The following CHST11 variants were observed in gnomAD, a reference collection of about 807,000 sequenced individuals.
CHST11 encodes the protein C4S-1.
In CHST11, 9 loss-of-function variants were observed where a neutral mutation model predicts 30.4. The observed-to-expected ratio is 0.30, with a 90% CI of 0.18 to 0.52. CHST11 has a LOEUF of 0.52. CHST11 is among the 20% of genes least tolerant of loss of function. CHST11 has a pLI of 0.97. For synonymous variants in CHST11, 152 were observed against 187.8 expected (o/e 0.81, Z 1.56); for missense variants, 348 against 460.6 (o/e 0.76, Z 2.24).
intron 1 of CHST11, among the ~76,000 whole-genome samples, chr12:104,574,433 G>T (rs528371373): frequency 1.3e-5 from 2 of 152,134 alleles, no homozygotes; most frequent in African/African-American, 4.8e-5. Flanking sequence ...GGCACTATTC[G>T]CAATAGGAAA....
chr12:104,527,561 A>G (rs377677941), intron 1 of CHST11, among the ~76,000 whole-genome samples: 14 of 152,218 alleles, frequency 9.2e-5, no homozygotes, highest in East Asian at 1.9e-4. Flanking sequence ...TGGATCTTCT[A>G]TACTCTTCTG....
intron 1 of CHST11, among the ~76,000 whole-genome samples, chr12:104,546,071 A>G (rs1355511409): frequency 6.6e-6 from 1 of 152,156 alleles, no homozygotes; most frequent in Non-Finnish European, 1.5e-5. Flanking sequence ...GGGGATTTCG[A>G]CACACGCATT....
intron 2 of CHST11, among the ~76,000 whole-genome samples, chr12:104,748,667 A>G (rs1414737025): frequency 6.6e-6 from 1 of 152,108 alleles, no homozygotes; most frequent in African/African-American, 2.4e-5. Context: ...GCCTCAGGGA[A>G]CACCAGCCCC....
chr12:104,475,689 T>TATAA (rs1232136682), intron 1 of CHST11, among the ~76,000 whole-genome samples: 1 of 77,562 alleles, frequency 1.3e-5, no homozygotes, highest in African/African-American at 3.6e-5. Flanking sequence ...TATATATATA[T>TATAA]ATTTCTGATT....
At chr12:104,464,630 C>G (rs1037458204) in intron 1 of CHST11, among the ~76,000 whole-genome samples, 1 of 152,138 alleles carries the variant, frequency 6.6e-6, no homozygotes, top group Non-Finnish European at 1.5e-5. Context: ...CATCAGCCTC[C>G]CAAGCAGCTG....
intron 2 of CHST11, among the ~76,000 whole-genome samples, chr12:104,737,119 A>T (rs1302325527): frequency 6.6e-6 from 1 of 152,260 alleles, no homozygotes; most frequent in Non-Finnish European, 1.5e-5. Context: ...TAAGGAAAGG[A>T]AGTTAATCAG....
At chr12:104,678,273 C>G (rs1004407750) in intron 2 of CHST11, among the ~76,000 whole-genome samples, 1 of 152,190 alleles carries the variant, frequency 6.6e-6, no homozygotes, top group African/African-American at 2.4e-5. Context: ...CCTTCCCCAA[C>G]ATTTCCATTC....
At chr12:104,544,463 T>C (rs1383707606) in intron 1 of CHST11, among the ~76,000 whole-genome samples, 3 of 152,092 alleles carry the variant, frequency 2.0e-5, no homozygotes, top group Non-Finnish European at 4.4e-5. Context: ...ACACCTGTAA[T>C]CCCAGCACTT....
In CHST11 at chr12:104,729,764, C is replaced by T. The variant is rs78222851; in HGVS notation, c.205-27185C>T. Reference sequence around the variant, plus strand: ...TAGGAGTTGAGGGGGAGCTCGATGGCGCTGGGGCAGAGGTCTGCGGAGAGT... The same window carrying T: ...TAGGAGTTGAGGGGGAGCTCGATGGTGCTGGGGCAGAGGTCTGCGGAGAGT... On this transcript the variant is annotated intron_variant, in intron 2 of 2. Coordinates refer to ENST00000303694, the MANE Select transcript of CHST11 (RefSeq NM_018413.6). This position sits in a 1 kb window ranked among gnomAD's most constrained non-coding sequence, Gnocchi z 4.0. Among the ~76,000 whole-genome samples, 1,724 of 152,194 alleles carry T rather than the reference C, an allele frequency of 0.011. 35 individuals carry two copies. Among genetic ancestry groups the T allele is most frequent in the African/African-American group, 0.039 (1,602 of 41,512 alleles).
chr12:104,644,659 T>A (rs2039408652), intron 2 of CHST11, among the ~76,000 whole-genome samples: 1 of 152,220 alleles, frequency 6.6e-6, no homozygotes, highest in South Asian at 2.1e-4. Context: ...TCTGGCTGAG[T>A]CCTGGCCCTG....
At chr12:104,508,922 G>A (rs562225355) in intron 1 of CHST11, among the ~76,000 whole-genome samples, 165 of 151,448 alleles carry the variant, frequency 1.1e-3, no homozygotes, top group African/African-American at 3.5e-3. Flanking sequence ...CACCACTGCC[G>A]CGCCACCACC....
chr12:104,677,756 C>T (rs1393360728), intron 2 of CHST11, among the ~76,000 whole-genome samples: 2 of 152,342 alleles, frequency 1.3e-5, no homozygotes, highest in South Asian at 2.1e-4. Context: ...GTTGCCAAGA[C>T]GGGCGGTTAG....
intron 1 of CHST11, among the ~76,000 whole-genome samples, chr12:104,590,965 G>C (rs2038852010): frequency 6.6e-6 from 1 of 152,020 alleles, no homozygotes. Flanking sequence ...GAACAGGAGA[G>C]AGAGGAAGTG....
intron 1 of CHST11, among the ~76,000 whole-genome samples, chr12:104,494,605 G>A (rs925545713): frequency 6.6e-5 from 10 of 152,162 alleles, no homozygotes; most frequent in Non-Finnish European, 1.2e-4. Flanking sequence ...TGACTGCCGA[G>A]GATGGGTTCC....
chr12:104,722,583 GTCA>G (rs1480728890), intron 2 of CHST11, among the ~76,000 whole-genome samples: 2 of 152,046 alleles, frequency 1.3e-5, no homozygotes, highest in African/African-American at 2.4e-5. Flanking sequence ...TTTCTAACAC[GTCA>G]TCGTTTCTGC....
At chr12:104,703,584 G>T (rs372438108) in intron 2 of CHST11, among the ~76,000 whole-genome samples, 1 of 152,050 alleles carries the variant, frequency 6.6e-6, no homozygotes, top group Non-Finnish European at 1.5e-5. Flanking sequence ...TTCTACTGCC[G>T]CAGCCAGAGC....
At chr12:104,717,665 C>T (rs757408764) in intron 2 of CHST11, among the ~76,000 whole-genome samples, 6 of 151,972 alleles carry the variant, frequency 3.9e-5, no homozygotes, top group Non-Finnish European at 7.4e-5. Flanking sequence ...CAGCTACTCT[C>T]GAGTCTGAGG....
intron 1 of CHST11, among the ~76,000 whole-genome samples, chr12:104,579,199 T>A (rs11613629): frequency 0.051 from 7,709 of 152,294 alleles, 307 homozygotes; most frequent in African/African-American, 0.11. Context: ...ATTCCTGGGC[T>A]CCTAGTACCA....
chr12:104,661,177 G>T (rs1292779875), intron 2 of CHST11, among the ~76,000 whole-genome samples: 2 of 152,276 alleles, frequency 1.3e-5, no homozygotes, highest in South Asian at 4.1e-4. Flanking sequence ...CCATAAAAAC[G>T]GAAGGAGTAG....
Sources: gnomAD v4.1 joint callset for allele counts (sites outside exome capture counted in the v4.1 genomes callset) on GRCh38, gnomAD v4.1.1 for gene constraint, Gnocchi (gnomAD v3.1) non-coding constraint, MANE v1.5 for transcripts, NCBI Gene and HGNC (gene_info 2026-07-23, HGNC 2026-07-21) for gene names.